Variants in XPO1 observed in about 807,000 individuals in gnomAD.
XPO1 encodes the protein exportin 1, also known as exportin-1.
Under a neutral mutation model 133.3 loss-of-function variants are expected in XPO1, and 5 were observed. The ratio of observed to expected loss-of-function variants is 0.04; its 90% confidence interval spans 0.02 to 0.08. The LOEUF is 0.08. XPO1 is among the 10% of genes least tolerant of loss of function. The pLI is 1.00. For synonymous variants in XPO1, 419 were observed against 408.2 expected (o/e 1.03, Z -0.32); for missense variants, 506 against 1,267.5 (o/e 0.40, Z 9.12).
Position 61,505,818 on chromosome 2 carries a change from G to C in XPO1, c.302-3508C>G, listed in dbSNP as rs559863578. 2.6e-5 allele frequency among the ~76,000 whole-genome samples: 4 copies of C among 152,046 alleles called. No individual in the cohort carries two copies. In the East Asian group the frequency reaches 7.8e-4, roughly 29 times the overall value. On this transcript the variant is annotated intron_variant, in intron 4 of 24. Coordinates refer to ENST00000401558, the MANE Select transcript of XPO1 (RefSeq NM_003400.4). ...GGTGATCCGCCCACCTCGGCCTCCCGAAGTGCTGGGATTACATGAGCCACC... is the reference window on the plus strand; with the variant it reads ...GGTGATCCGCCCACCTCGGCCTCCCCAAGTGCTGGGATTACATGAGCCACC...
chr2:61,522,044 C>T (rs1317948471), intron 4 of XPO1, among the ~76,000 whole-genome samples: 9 of 152,006 alleles, frequency 5.9e-5, no homozygotes, highest in Admixed American at 5.9e-4. Context: ...AGGCTTGAGC[C>T]ACTGTGCCCG....
At chr2:61,515,920 A>T (rs1698354072) in intron 4 of XPO1, among the ~76,000 whole-genome samples, 3 of 84,336 alleles carry the variant, frequency 3.6e-5, no homozygotes, top group Non-Finnish European at 2.3e-5. Flanking sequence ...CATCTCTACT[A>T]AAAAAAAAAA....
chr2:61,492,856 G>T lies in XPO1; in HGVS notation c.1384+59C>A. On this transcript the variant is annotated intron_variant, in intron 13 of 24. Transcript: ENST00000401558. This position sits in a 1 kb window ranked among gnomAD's most constrained non-coding sequence, Gnocchi z 5.6. The stretch of plus-strand genomic sequence containing the variant: ...AAACTACAAGTACATTTCCTAAAAT[G>T]TATTTCCACCCCAGAATAGATTTAT... The T allele has an allele frequency of 6.4e-7, 1 of 1,560,218 alleles. No individual in the cohort carries two copies. The highest frequency in any genetic ancestry group is 8.7e-7 in the Non-Finnish European group (1 of 1,153,454).
intron 4 of XPO1, among the ~76,000 whole-genome samples, chr2:61,513,507 T>C (rs769645764): frequency 2.0e-5 from 3 of 151,818 alleles, no homozygotes; most frequent in Non-Finnish European, 4.4e-5. Context: ...GTATCTTTAG[T>C]AGACATGCGG....
intron 6 of XPO1, among the ~76,000 whole-genome samples, chr2:61,500,557 C>G (rs1291998012): frequency 2.7e-5 from 3 of 111,894 alleles, no homozygotes; most frequent in African/African-American, 1.1e-4. Flanking sequence ...CAAGGCTGGG[C>G]AACAGGATGA....
At chr2:61,532,197 G>A (rs540034757) in intron 2 of XPO1, among the ~76,000 whole-genome samples, 5 of 152,010 alleles carry the variant, frequency 3.3e-5, no homozygotes, top group African/African-American at 9.6e-5. Context: ...GCGCAACCTC[G>A]GCTCACTGCA....
rs577644054 is a variant in XPO1, at chr2:61,498,660, G to A, written c.759+13C>T. 23 of 1,612,002 alleles carry A rather than the reference G, an allele frequency of 1.4e-5. No homozygotes were observed. In the East Asian group the frequency reaches 4.7e-4, roughly 33 times the overall value. Reference sequence around the variant, plus strand: ...CTATCCGGTGACAAATAACTGAAATGTATTCACTGTACCTTATAAATCAAT... The same window carrying A: ...CTATCCGGTGACAAATAACTGAAATATATTCACTGTACCTTATAAATCAAT... On this transcript the variant is annotated intron_variant, in intron 9 of 24. Coordinates refer to ENST00000401558, the MANE Select transcript of XPO1 (RefSeq NM_003400.4).
At chr2:61,493,117 A>T in intron 12 of XPO1, 64 bp from the exon 13 acceptor site, 1 of 1,467,944 alleles carries the variant, frequency 6.8e-7, no homozygotes. Context: ...TTAGTGTAGA[A>T]GCTTAGTTAA....
intron 10 of XPO1, among the ~76,000 whole-genome samples, chr2:61,496,139 TCTCA>T (rs780842523): frequency 3.2e-4 from 48 of 152,308 alleles, no homozygotes; most frequent in South Asian, 4.1e-4. Context: ...TTCTAGTATT[TCTCA>T]CTGACATTGA....
At chr2:61,507,466 T>A (rs1177089010) in intron 4 of XPO1, among the ~76,000 whole-genome samples, 18 of 151,918 alleles carry the variant, frequency 1.2e-4, no homozygotes, top group Admixed American at 1.2e-3. Context: ...CCTAGCTACT[T>A]GGGCTGTGGC....
At chr2:61,520,363 T>C (rs1285256061) in intron 4 of XPO1, among the ~76,000 whole-genome samples, 1 of 152,114 alleles carries the variant, frequency 6.6e-6, no homozygotes, top group Admixed American at 6.6e-5. Context: ...GGTAATCATG[T>C]TGACTAAGTA....
At chr2:61,522,572 A>G (rs774106048) in intron 4 of XPO1, 39 bp downstream of exon 4, 2 of 1,579,092 alleles carry the variant, frequency 1.3e-6, no homozygotes, top group South Asian at 2.2e-5. Flanking sequence ...AATGCCAGGA[A>G]AAACAAAACT....
intron 4 of XPO1, among the ~76,000 whole-genome samples, chr2:61,522,161 T>C (rs1028161197): frequency 1.8e-4 from 27 of 152,058 alleles, no homozygotes; most frequent in Admixed American, 1.2e-3. Context: ...TCTCGACCTT[T>C]TGAGCTCAAG....
At chr2:61,485,999 A>G (rs191819722) in intron 19 of XPO1, 37 bp from the exon 20 acceptor site, 404 of 1,547,494 alleles carry the variant, frequency 2.6e-4, no homozygotes, top group Non-Finnish European at 2.9e-5. Context: ...GTTTTAATTT[A>G]GGTACATGGT....
chr2:61,511,122 CTTTCT>C (rs1318082447), intron 4 of XPO1, among the ~76,000 whole-genome samples: 1 of 151,908 alleles, frequency 6.6e-6, no homozygotes, highest in Non-Finnish European at 1.5e-5. Context: ...GAAAATACTG[CTTTCT>C]TTTCTTTATT....
At chr2:61,522,819 A>G in intron 3 of XPO1, 136 bp from the exon 4 acceptor site, 1 of 654,522 alleles carries the variant, frequency 1.5e-6, no homozygotes, top group Non-Finnish European at 2.7e-6. Flanking sequence ...TTAATTACAC[A>G]TATTAAACAA....
chr2:61,510,974 A>C (rs1232547420), intron 4 of XPO1, among the ~76,000 whole-genome samples: 1 of 151,856 alleles, frequency 6.6e-6, no homozygotes, highest in East Asian at 1.9e-4. Context: ...CATGGATGTA[A>C]GCTAGGGATC....
intron 4 of XPO1, among the ~76,000 whole-genome samples, chr2:61,511,278 C>T (rs1166878224): frequency 2.0e-5 from 3 of 152,116 alleles, no homozygotes; most frequent in African/African-American, 7.2e-5. Context: ...AATGCGCCAC[C>T]ACGCCCAGCT....
intron 3 of XPO1, among the ~76,000 whole-genome samples, chr2:61,524,609 A>C (rs1355620199): frequency 6.6e-6 from 1 of 152,224 alleles, no homozygotes; most frequent in East Asian, 1.9e-4. Context: ...CTAAAACAAA[A>C]AAAATTTACA....
Sources: gnomAD v4.1 joint callset for allele counts (sites outside exome capture counted in the v4.1 genomes callset) on GRCh38, gnomAD v4.1.1 for gene constraint, Gnocchi (gnomAD v3.1) non-coding constraint, MANE v1.5 for transcripts, NCBI Gene and HGNC (gene_info 2026-07-23, HGNC 2026-07-21) for gene names.